Variants in CACNG2 observed in about 807,000 individuals in gnomAD.
The protein encoded by CACNG2 is calcium voltage-gated channel auxiliary subunit gamma 2.
In CACNG2, 3 loss-of-function variants were observed where a neutral mutation model predicts 25.9. The ratio of observed to expected loss-of-function variants is 0.12; its 90% CI spans 0.05 to 0.30. The LOEUF (loss-of-function observed/expected upper bound fraction) is 0.30, where lower values mean the gene tolerates loss of function less well. CACNG2 is among the 10% of genes least tolerant of loss of function. The probability of loss-of-function intolerance (pLI) is 1.00; values close to 1 mark genes in which losing one functional copy is unlikely to be tolerated. For synonymous variants in CACNG2, 167 were observed against 173.3 expected, an observed-to-expected ratio of 0.96 and a Z score of 0.29; for missense variants, 341 against 432.5, an observed-to-expected ratio of 0.79 and a Z score of 1.88.
chr22:36,609,757 A>T (rs1362042597), intron 1 of CACNG2, among the ~76,000 whole-genome samples: 1 of 134,900 alleles, frequency 7.4e-6, no homozygotes, highest in African/African-American at 2.8e-5. Flanking sequence ...CCAACAGAGC[A>T]TGATCAGGCA....
chr22:36,701,030 A>G (rs146559952), intron 1 of CACNG2, among the ~76,000 whole-genome samples: 1 of 152,144 alleles, frequency 6.6e-6, no homozygotes, highest in East Asian at 1.9e-4. Flanking sequence ...GGGCCACATC[A>G]GTTTCTCTCT....
intron 1 of CACNG2, among the ~76,000 whole-genome samples, chr22:36,687,763 G>C (rs1022388656): frequency 1.3e-5 from 2 of 152,306 alleles, no homozygotes; most frequent in East Asian, 1.9e-4. Context: ...TAGGTGTGAG[G>C]GGGGAAGCAG....
chr22:36,629,886 T>C (rs1222352361), intron 1 of CACNG2, among the ~76,000 whole-genome samples: 1 of 152,262 alleles, frequency 6.6e-6, no homozygotes, highest in South Asian at 2.1e-4. Context: ...AATGGTGATG[T>C]GTCGCAAAGC....
chr22:36,586,692 G>A (rs1168265260), intron 2 of CACNG2, among the ~76,000 whole-genome samples: 2 of 151,736 alleles, frequency 1.3e-5, no homozygotes, highest in Admixed American at 1.3e-4. Context: ...GCTCCTGGGA[G>A]GAGAGCAAAC....
At chr22:36,590,600 C>T (rs1479361015) in intron 1 of CACNG2, among the ~76,000 whole-genome samples, 1 of 152,160 alleles carries the variant, frequency 6.6e-6, no homozygotes, top group Non-Finnish European at 1.5e-5. Flanking sequence ...ACTACCAGGC[C>T]ACCATCCCTG....
rs769458037 is a variant in CACNG2, at chr22:36,564,681, G to C, written c.642C>G (p.Ala214=). 6.8e-6 allele frequency: 11 copies of C among 1,613,898 alleles called. No homozygotes were observed. In the East Asian group the frequency reaches 2.5e-4, roughly 36 times the overall value. Reference sequence around the variant, plus strand: ...TGGCAGAGGCCTGGAGGTAGTCCGTGGCGCGGGCCGTGGCCCGCAGCTGTT... The same window carrying C: ...TGGCAGAGGCCTGGAGGTAGTCCGTCGCGCGGGCCGTGGCCCGCAGCTGTT... The part of the protein sequence containing the change: ...RHKQLRATAR[A]TDYLQASAIT... Residue 214 remains alanine (A), a synonymous_variant, in exon 4 of 4, where the codon GCC becomes GCG. Transcript: ENST00000300105. The surrounding 1 kb of genome is among the most constrained non-coding windows in gnomAD (Gnocchi z 6.7).
intron 1 of CACNG2, among the ~76,000 whole-genome samples, chr22:36,617,383 T>C (rs1244824642): frequency 6.6e-6 from 1 of 152,080 alleles, no homozygotes; most frequent in East Asian, 1.9e-4. Context: ...TCAGTCATGC[T>C]GGAAATGCTG....
chr22:36,576,582 G>GTGTGTGTGTA (rs1454077396), intron 2 of CACNG2, among the ~76,000 whole-genome samples: 3 of 151,522 alleles, frequency 2.0e-5, no homozygotes, highest in African/African-American at 7.3e-5. Context: ...GCGTGTGTGT[G>GTGTGTGTGTA]TGTGTGTGTA....
chr22:36,656,813 C>T (rs776784239), intron 1 of CACNG2, among the ~76,000 whole-genome samples: 3 of 152,208 alleles, frequency 2.0e-5, no homozygotes, highest in Admixed American at 1.3e-4. Flanking sequence ...ACCAGTGAGG[C>T]GTCCTAGACT....
chr22:36,594,682 CGTGTGTGTCTGTGTGTGTGTCTGT>C (rs573436381), intron 1 of CACNG2, among the ~76,000 whole-genome samples: 6 of 151,592 alleles, frequency 4.0e-5, no homozygotes, highest in Non-Finnish European at 7.4e-5. Flanking sequence ...TGTATGCCCG[CGTGTGTGTCTGTGTGTGTGTCTGT>C]GTGTGTGTGC....
At chr22:36,571,208 G>A (rs2145909699) in intron 2 of CACNG2, among the ~76,000 whole-genome samples, 1 of 152,304 alleles carries the variant, frequency 6.6e-6, no homozygotes, top group East Asian at 1.9e-4. Context: ...TGTAATCCCA[G>A]CACTTTGGGA....
intron 1 of CACNG2, among the ~76,000 whole-genome samples, chr22:36,645,159 G>A (rs1444625775): frequency 2.0e-5 from 3 of 152,074 alleles, no homozygotes; most frequent in Non-Finnish European, 2.9e-5. Context: ...CAGTGTTGGG[G>A]GTTGTTCAAA....
intron 1 of CACNG2, among the ~76,000 whole-genome samples, chr22:36,600,691 C>A (rs1416951611): frequency 6.6e-6 from 1 of 151,892 alleles, no homozygotes; most frequent in Non-Finnish European, 1.5e-5. Flanking sequence ...GAATTACAGA[C>A]ACGCACCACC....
chr22:36,657,779 A>G (rs1411126312), intron 1 of CACNG2, among the ~76,000 whole-genome samples: 2 of 151,830 alleles, frequency 1.3e-5, no homozygotes, highest in African/African-American at 4.8e-5. Flanking sequence ...TTCCTTTGCT[A>G]TGGCTCAGGG....
rs562763665 is a variant in CACNG2 at position 36,562,875 on chromosome 22, C to T, written c.*1476G>A. 6.6e-6 allele frequency: 1 copy of T among 152,212 alleles called. No individual in the cohort carries two copies. The highest frequency in any genetic ancestry group is 1.5e-5 in the Non-Finnish European group (1 of 68,024). The allele number at this position is 152,212 out of a possible 1,614,324, so 9.4% of individuals were successfully genotyped here. ...TGGGACCTTCCGCTACTCCCTCCAA[C>T]CTTCAAGCCCAGCTCTCACCTCTCA... is the stretch of plus-strand genomic sequence containing the variant. On this transcript the variant is annotated 3_prime_UTR_variant, in exon 4 of 4. Coordinates refer to ENST00000300105, the MANE Select transcript of CACNG2 (RefSeq NM_006078.5).
At position 36,564,785 on chromosome 22, in the gene CACNG2, A is replaced by T; in HGVS notation, c.538T>A (p.Phe180Ile). Residue 180 changes from phenylalanine to isoleucine, a missense_variant, in exon 4 of 4, where the codon TTC becomes ATC. Coordinates refer to ENST00000300105, the MANE Select transcript of CACNG2 (RefSeq NM_006078.5). The surrounding 1 kb of genome is among the most constrained non-coding windows in gnomAD (Gnocchi z 6.7). ...KKNSYSYGWS[F>I]YFGALSFIIA... ...ATGAAGGACAGGGCCCCGAAGTAGAAGGACCAGCCGTATGAGTAACTATTC... is the reference window on the plus strand; with the variant it reads ...ATGAAGGACAGGGCCCCGAAGTAGATGGACCAGCCGTATGAGTAACTATTC... 1.2e-6 allele frequency: 2 copies of T among 1,614,212 alleles called. No individual in the cohort carries two copies. Among genetic ancestry groups the T allele is most frequent in the Non-Finnish European group, 1.7e-6 (2 of 1,180,042 alleles).
intron 1 of CACNG2, among the ~76,000 whole-genome samples, chr22:36,592,254 G>A (rs1347864079): frequency 2.7e-5 from 4 of 150,498 alleles, no homozygotes; most frequent in Non-Finnish European, 5.9e-5. Context: ...GGGGTGGAGC[G>A]GGGAGGGCAG....
intron 1 of CACNG2, among the ~76,000 whole-genome samples, chr22:36,626,781 A>G (rs1455003768): frequency 1.3e-5 from 2 of 152,206 alleles, no homozygotes; most frequent in Admixed American, 6.5e-5. Flanking sequence ...GTCTGTAGCT[A>G]TACATAGGGA....
At chr22:36,686,297 T>C (rs1351475751) in intron 1 of CACNG2, among the ~76,000 whole-genome samples, 1 of 152,188 alleles carries the variant, frequency 6.6e-6, no homozygotes, top group Non-Finnish European at 1.5e-5. Flanking sequence ...GGCTCATCTC[T>C]AAGGAGATGA....
Sources: allele counts gnomAD v4.1 joint callset (sites outside exome capture counted in the v4.1 genomes callset), GRCh38; gene constraint gnomAD v4.1.1; non-coding constraint Gnocchi (gnomAD v3.1); transcripts MANE v1.5; gene names NCBI Gene and HGNC (gene_info 2026-07-23, HGNC 2026-07-21).